GTF2IRD1: variants seen among roughly 807,000 people sequenced by gnomAD.
GTF2IRD1 encodes the protein GTF2I repeat domain containing 1, also known as general transcription factor II-I repeat domain-containing protein 1.
In GTF2IRD1, 26 loss-of-function variants were observed where a neutral mutation model predicts 113.2. That is an observed-to-expected ratio of 0.23 (90% CI 0.17 to 0.32). GTF2IRD1 has a LOEUF of 0.32. GTF2IRD1 is among the 10% of genes least tolerant of loss of function. The pLI, the probability that GTF2IRD1 is intolerant of heterozygous loss-of-function variation, is 1.00. For missense variants in GTF2IRD1, 864 were observed against 1,280.8 expected, an observed-to-expected ratio of 0.67 and a Z score of 4.97; for synonymous variants, 484 against 529.1, an observed-to-expected ratio of 0.91 and a Z score of 1.17.
At chr7:74,458,764 C>G (rs964251352) in intron 1 of GTF2IRD1, among the ~76,000 whole-genome samples, 2 of 151,826 alleles carry the variant, frequency 1.3e-5, no homozygotes, top group Non-Finnish European at 2.9e-5. Context: ...AAGTGATTCT[C>G]GTGCCTCAGC....
intron 25 of GTF2IRD1, among the ~76,000 whole-genome samples, chr7:74,597,925 C>T (rs1338372577): frequency 2.6e-5 from 4 of 152,200 alleles, no homozygotes; most frequent in African/African-American, 9.6e-5. Flanking sequence ...ACCCAAGGCC[C>T]TGACTCCTGT....
At chr7:74,568,296 G>A (rs587686175) in intron 22 of GTF2IRD1, among the ~76,000 whole-genome samples, 18 of 140,414 alleles carry the variant, frequency 1.3e-4, no homozygotes, top group African/African-American at 4.5e-4. Context: ...CTTGAGCCCA[G>A]GAGTTTGAGA....
chr7:74,510,346 A>G (rs1796551580), intron 2 of GTF2IRD1, among the ~76,000 whole-genome samples: 1 of 145,188 alleles, frequency 6.9e-6, no homozygotes, highest in Non-Finnish European at 1.5e-5. Context: ...TTGCTCTGTC[A>G]CCCAGGCTGG....
At chr7:74,461,548 C>T (rs1793362682) in intron 1 of GTF2IRD1, among the ~76,000 whole-genome samples, 2 of 152,172 alleles carry the variant, frequency 1.3e-5, no homozygotes, top group East Asian at 1.9e-4. Flanking sequence ...CAGCCCCCGG[C>T]TGGCACATGA....
At chr7:74,477,709 T>C (rs1794505977) in intron 1 of GTF2IRD1, among the ~76,000 whole-genome samples, 1 of 151,982 alleles carries the variant, frequency 6.6e-6, no homozygotes. Flanking sequence ...CCTCACCCGT[T>C]GGCTCAGTGG....
At chr7:74,529,185 G>A (rs1797815763) in intron 8 of GTF2IRD1, among the ~76,000 whole-genome samples, 1 of 152,126 alleles carries the variant, frequency 6.6e-6, no homozygotes, top group Non-Finnish European at 1.5e-5. Context: ...GGCAGATGAG[G>A]CCAGAGGTGA....
intron 11 of GTF2IRD1, among the ~76,000 whole-genome samples, chr7:74,536,940 T>C (rs1190911322): frequency 6.6e-6 from 1 of 151,830 alleles, no homozygotes; most frequent in Non-Finnish European, 1.5e-5. Context: ...GTGAGACCCT[T>C]GTCTCTACAA....
intron 26 of GTF2IRD1, chr7:74,602,113 G>T (rs1011402194): frequency 1.2e-4 from 39 of 313,194 alleles, no homozygotes; most frequent in Admixed American, 5.7e-4. Flanking sequence ...ATGGTGGCGG[G>T]CGCCTATAAT....
At chr7:74,571,188 G>T in intron 22 of GTF2IRD1, 1 of 833,862 alleles carries the variant, frequency 1.2e-6, no homozygotes, top group Non-Finnish European at 1.4e-6. Context: ...AGTCAGGCTT[G>T]CCTACCTGGG....
chr7:74,545,688 C>T, intron 15 of GTF2IRD1, 56 bp from the exon 16 acceptor site: 1 of 1,335,130 alleles, frequency 7.5e-7, no homozygotes, highest in East Asian at 2.3e-5. Flanking sequence ...AGAGCAGGAA[C>T]ATCAGCCGAG....
intron 1 of GTF2IRD1, among the ~76,000 whole-genome samples, chr7:74,474,044 C>T (rs1366228818): frequency 2.7e-5 from 4 of 149,604 alleles, no homozygotes; most frequent in Non-Finnish European, 4.4e-5. Flanking sequence ...GCCAACGTGG[C>T]GAAACCCCAT....
chr7:74,559,678 G>A lies in GTF2IRD1; in HGVS notation c.2320+23G>A, dbSNP rs782564192. On this transcript the variant is annotated intron_variant, in intron 22 of 26. Transcript: ENST00000424337. The stretch of plus-strand genomic sequence containing the variant: ...CTGGTAAGAGGCACTGGCTGTGGAG[G>A]GGGCACTGGGAATAGGGCCCGATCG... 3.8e-6 allele frequency: 6 copies of A among 1,583,412 alleles called. No homozygotes were observed. The Admixed American group carries it at 1.1e-4, about 28-fold the overall frequency.
chr7:74,586,927 C>A (rs1801748042), intron 22 of GTF2IRD1, among the ~76,000 whole-genome samples: 2 of 152,130 alleles, frequency 1.3e-5, no homozygotes, highest in Admixed American at 1.3e-4. Flanking sequence ...AGGAGGATCG[C>A]TTGAGCTTAG....
intron 22 of GTF2IRD1, among the ~76,000 whole-genome samples, chr7:74,560,500 T>C (rs1249439496): frequency 6.8e-6 from 1 of 146,680 alleles, no homozygotes; most frequent in Non-Finnish European, 1.5e-5. Context: ...AATAAAAATA[T>C]TATATATAAT....
At chr7:74,495,503 C>T (rs999954801) in intron 1 of GTF2IRD1, among the ~76,000 whole-genome samples, 3 of 152,208 alleles carry the variant, frequency 2.0e-5, no homozygotes, top group Admixed American at 6.5e-5. Flanking sequence ...TCCAAACTTG[C>T]ATCAACGGCC....
intron 1 of GTF2IRD1, among the ~76,000 whole-genome samples, chr7:74,505,601 GC>G (rs1796259400): frequency 6.6e-6 from 1 of 152,232 alleles, no homozygotes; most frequent in Non-Finnish European, 1.5e-5. Flanking sequence ...GGGGGCCAGG[GC>G]TAGATGGCTG....
chr7:74,571,638 G>A lies in GTF2IRD1; in HGVS notation c.2320+11983G>A, dbSNP rs1234376097. Among the ~76,000 whole-genome samples, 2 of 152,176 alleles carry A rather than the reference G, an allele frequency of 1.3e-5. 1 individual carries two copies. Among genetic ancestry groups the A allele is most frequent in the Non-Finnish European group, 2.9e-5 (2 of 68,030 alleles). ...GCACTTTGGGAGGCCAAGGCAGGAG[G>A]GTCACTTGCATCCAGGAGTTCGAAA... On this transcript the variant is annotated intron_variant, in intron 22 of 26. Transcript: ENST00000424337.
intron 1 of GTF2IRD1, among the ~76,000 whole-genome samples, chr7:74,484,069 G>A (rs1414585779): frequency 6.6e-6 from 1 of 152,160 alleles, no homozygotes; most frequent in Non-Finnish European, 1.5e-5. Context: ...CCCCAGAGAT[G>A]GAGACTCAGT....
intron 14 of GTF2IRD1, among the ~76,000 whole-genome samples, chr7:74,541,266 G>T (rs1413243141): frequency 6.6e-6 from 1 of 151,774 alleles, no homozygotes; most frequent in Non-Finnish European, 1.5e-5. Flanking sequence ...CAAGGCGAGG[G>T]TACTGCTTGA....
Sources: allele counts gnomAD v4.1 joint callset (sites outside exome capture counted in the v4.1 genomes callset), GRCh38; gene constraint gnomAD v4.1.1; transcripts MANE v1.5; gene names NCBI Gene and HGNC (gene_info 2026-07-23, HGNC 2026-07-21).